Variants in STX18 observed in about 807,000 individuals in gnomAD.
The protein encoded by STX18 is syntaxin 18.
STX18 carries 40 observed loss-of-function variants against 50.1 expected under a neutral mutation model. That is an observed-to-expected ratio of 0.80 (90% CI 0.62 to 1.04). The LOEUF is 1.04. STX18 is among the 50% of genes least tolerant of loss of function. The probability of loss-of-function intolerance (pLI) is 0.00; values close to 1 mark genes in which losing one functional copy is unlikely to be tolerated. For missense variants in STX18, 410 were observed against 415.8 expected (o/e 0.99, Z 0.12); for synonymous variants, 158 against 151.8 (o/e 1.04, Z -0.30).
At chr4:4,452,958 C>T (rs1468475741) in intron 5 of STX18, among the ~76,000 whole-genome samples, 1 of 152,160 alleles carries the variant, frequency 6.6e-6, no homozygotes. Flanking sequence ...GTGGTGGAAA[C>T]AGCCAGAGAA....
intron 7 of STX18, among the ~76,000 whole-genome samples, chr4:4,433,848 A>C (rs1006638997): frequency 2.0e-5 from 3 of 152,196 alleles, no homozygotes; most frequent in Non-Finnish European, 2.9e-5. Context: ...TCCTCAACAG[A>C]GCTGTCTTCA....
At chr4:4,438,596 G>A (rs1725918113) in intron 5 of STX18, 87 bp from the exon 6 acceptor site, 2 of 1,094,654 alleles carry the variant, frequency 1.8e-6, no homozygotes, top group Non-Finnish European at 2.7e-6. Context: ...GTGACCCTGC[G>A]CTTTTGCTCT....
chr4:4,509,387 T>C (rs911140501), intron 1 of STX18, among the ~76,000 whole-genome samples: 3 of 152,196 alleles, frequency 2.0e-5, no homozygotes, highest in Non-Finnish European at 4.4e-5. Context: ...TTCATGTCCT[T>C]TGCCCACTTT....
rs923255363 is a variant in STX18 at position 4,451,821 on chromosome 4, C to T, written c.497+5370G>A. The stretch of plus-strand genomic sequence containing the variant: ...TAACACAGGCCAATGAATAACCCAG[C>T]AGCGGCCTCTAAGTGTTCAAGTGAA... On this transcript the variant is annotated intron_variant, in intron 5 of 10. Coordinates refer to ENST00000306200, the MANE Select transcript of STX18 (RefSeq NM_016930.4). 2.0e-5 allele frequency among the ~76,000 whole-genome samples: 3 copies of T among 152,186 alleles called. No homozygotes were observed. The East Asian group carries it at 5.8e-4, about 29-fold the overall frequency.
intron 3 of STX18, among the ~76,000 whole-genome samples, chr4:4,458,184 A>AT (rs1310205884): frequency 6.6e-6 from 1 of 152,288 alleles, no homozygotes. Flanking sequence ...GAGTTTCCTG[A>AT]TTTTTACACG....
intron 1 of STX18, among the ~76,000 whole-genome samples, chr4:4,499,262 A>G (rs1162223849): frequency 6.6e-6 from 1 of 152,234 alleles, no homozygotes; most frequent in African/African-American, 2.4e-5. Flanking sequence ...AATGAGACCA[A>G]CTGAAATCAA....
At chr4:4,482,878 C>T (rs1284995098) in intron 1 of STX18, among the ~76,000 whole-genome samples, 1 of 152,044 alleles carries the variant, frequency 6.6e-6, no homozygotes, top group Non-Finnish European at 1.5e-5. Flanking sequence ...GGAAATCTTA[C>T]CAGAAAAAAT....
chr4:4,527,734 C>T (rs913109305), intron 1 of STX18, among the ~76,000 whole-genome samples: 2 of 131,122 alleles, frequency 1.5e-5, no homozygotes, highest in African/African-American at 5.4e-5. Flanking sequence ...ACTTTTCCCA[C>T]TGTAATGCTG....
At chr4:4,511,344 T>C (rs1729995176) in intron 1 of STX18, among the ~76,000 whole-genome samples, 2 of 152,204 alleles carry the variant, frequency 1.3e-5, no homozygotes, top group African/African-American at 4.8e-5. Flanking sequence ...GGACTTCATA[T>C]GACAGCTATG....
intron 5 of STX18, among the ~76,000 whole-genome samples, chr4:4,454,677 C>T (rs748138794): frequency 6.6e-6 from 1 of 152,144 alleles, no homozygotes; most frequent in African/African-American, 2.4e-5. Context: ...ATTCACACAC[C>T]CAGATATTTT....
chr4:4,435,917 CGGAG>C (rs1356416678), intron 6 of STX18, among the ~76,000 whole-genome samples: 1 of 152,028 alleles, frequency 6.6e-6, no homozygotes, highest in East Asian at 1.9e-4. Flanking sequence ...GGGTTGGGAG[CGGAG>C]GGGAGAGGGA....
intron 1 of STX18, chr4:4,478,824 G>C (rs1728321478): frequency 6.6e-6 from 1 of 152,440 alleles, no homozygotes; most frequent in Non-Finnish European, 1.5e-5. Flanking sequence ...ATGCTGCCCT[G>C]TCCTCTCCTC....
chr4:4,531,152 T>TACACACACACACACAC (rs142048912), intron 1 of STX18, among the ~76,000 whole-genome samples: 125 of 149,676 alleles, frequency 8.4e-4, no homozygotes, highest in Admixed American at 3.5e-3. Context: ...GGATAAAATT[T>TACACACACACACACAC]ACACACACAC....
intron 5 of STX18, among the ~76,000 whole-genome samples, chr4:4,456,968 T>G (rs1380040159): frequency 6.6e-6 from 1 of 152,088 alleles, no homozygotes; most frequent in African/African-American, 2.4e-5. Flanking sequence ...ATTTGTAAAA[T>G]GAGGGAGGAA....
intron 1 of STX18, among the ~76,000 whole-genome samples, chr4:4,492,465 G>A (rs1247169142): frequency 6.6e-6 from 1 of 152,094 alleles, no homozygotes; most frequent in Non-Finnish European, 1.5e-5. Context: ...GATTCAAACA[G>A]TGTTTGTAGA....
In STX18 at chr4:4,425,194, C is replaced by A. The variant is rs937271471; in HGVS notation, c.731G>T (p.Gly244Val). ...TTCATCAAACAAGCTGTTCATTTCA[C>A]CAATTAGTCGCTGATTTTCCTGTTC... ...MFEQENQRLI[G>V]EMNSLFDEVR... is the part of the protein sequence containing the mutation. Residue 244 changes from glycine (G) to valine (V), a missense_variant, in exon 8 of 11, where the codon GGT (glycine) becomes GTT (valine). Gly to Val is a moderately radical substitution (Grantham distance 109). Coordinates refer to ENST00000306200, the MANE Select transcript of STX18 (RefSeq NM_016930.4). 6.2e-7 allele frequency: 1 copy of A among 1,614,056 alleles called. No individual in the cohort carries two copies. The highest frequency in any genetic ancestry group is 1.3e-5 in the African/African-American group (1 of 74,940).
At chr4:4,519,011 T>G (rs1025046597) in intron 1 of STX18, among the ~76,000 whole-genome samples, 1 of 152,198 alleles carries the variant, frequency 6.6e-6, no homozygotes, top group African/African-American at 2.4e-5. Flanking sequence ...GCACTCCAAG[T>G]GGGTTGTGTG....
chr4:4,512,662 T>C (rs1730056569), intron 1 of STX18, among the ~76,000 whole-genome samples: 1 of 152,216 alleles, frequency 6.6e-6, no homozygotes, highest in Non-Finnish European at 1.5e-5. Context: ...GAGGCACGTT[T>C]GTGAGTTAGG....
chr4:4,454,520 T>C (rs919859875), intron 5 of STX18, among the ~76,000 whole-genome samples: 1 of 152,200 alleles, frequency 6.6e-6, no homozygotes, highest in Admixed American at 6.5e-5. Flanking sequence ...TGAGACCCAG[T>C]GACCACCACA....
Sources: gnomAD v4.1 joint callset for allele counts (sites outside exome capture counted in the v4.1 genomes callset) on GRCh38, gnomAD v4.1.1 for gene constraint, MANE v1.5 for transcripts, NCBI Gene and HGNC (gene_info 2026-07-23, HGNC 2026-07-21) for gene names.